Variants in HSPA4 observed in about 807,000 individuals in gnomAD.
HSPA4 encodes the protein heat shock 70 kDa protein 4.
A neutral mutation model predicts 106.2 loss-of-function variants in HSPA4; 25 were observed. The observed-to-expected ratio is 0.24, with a 90% confidence interval of 0.17 to 0.33. HSPA4 has a LOEUF of 0.33. Among genes scored for constraint, HSPA4 ranks in the 10% least tolerant of loss-of-function variants. The pLI is 1.00. For synonymous variants in HSPA4, 332 were observed against 333.6 expected (o/e 1.00, Z 0.05); for missense variants, 841 against 996.0 (o/e 0.84, Z 2.10).
In HSPA4 at chr5:133,099,615, C is replaced by A; in HGVS notation, c.2000C>A (p.Pro667Gln). ...TTGTATGAGGATGGAGAAGACCAGC[C>A]AAAGCAAGTTTATGTTGATAAGTTG... is the stretch of plus-strand genomic sequence containing the variant. ...NWLYEDGEDQ[P>Q]KQVYVDKLAE... The change falls in exon 16 of 19, where the codon CCA (proline) becomes CAA (glutamine). Residue 667 changes from proline to glutamine, a missense_variant. This residue lies in a region of HSPA4 where 328 missense variants were observed against 372.2 expected (regional missense o/e 0.88). Coordinates refer to ENST00000304858, the MANE Select transcript of HSPA4 (RefSeq NM_002154.4). The A allele has an allele frequency of 6.2e-7, 1 of 1,602,722 alleles. No homozygotes were observed. The highest frequency in any genetic ancestry group is 8.5e-7 in the Non-Finnish European group (1 of 1,171,260).
intron 11 of HSPA4, among the ~76,000 whole-genome samples, chr5:133,090,162 C>T (rs371857609): frequency 2.5e-4 from 38 of 151,902 alleles, no homozygotes; most frequent in South Asian, 1.0e-3. Flanking sequence ...TAGCCAGGTG[C>T]GGTGGCTCAC....
intron 1 of HSPA4, among the ~76,000 whole-genome samples, chr5:133,060,068 CT>C (rs370182052): frequency 1.4e-4 from 20 of 146,026 alleles, no homozygotes; most frequent in Admixed American, 2.7e-4. Flanking sequence ...ATCAGTTTTA[CT>C]TTTTTTTTTT....
rs1765832390 is a variant in HSPA4 at position 133,104,605 on chromosome 5, G to C, written c.*169G>C. 1 of 603,926 alleles carries C rather than the reference G, an allele frequency of 1.7e-6. No homozygotes were observed. Among genetic ancestry groups the C allele is most frequent in the African/African-American group, 1.9e-5 (1 of 53,894 alleles). 37.4% of individuals were successfully genotyped at this position (603,926 alleles called of 1,614,324 possible). A position where few individuals can be genotyped will look rare whatever the true frequency, so the allele number is the denominator to read the frequency against. ...TATGGAGCATTTTCACTTCTAAATA[G>C]TTAGATACAGAAATTAAGTGCATTG... On this transcript the variant is annotated 3_prime_UTR_variant, in exon 19 of 19. Coordinates refer to ENST00000304858, the MANE Select transcript of HSPA4 (RefSeq NM_002154.4).
intron 16 of HSPA4, among the ~76,000 whole-genome samples, chr5:133,100,103 G>T (rs1161573841): frequency 6.6e-6 from 1 of 151,710 alleles, no homozygotes; most frequent in South Asian, 2.1e-4. Context: ...TTGCTCTGTT[G>T]CCCAGGCTGG....
rs570154425 is a variant in HSPA4, at chr5:133,088,783, A to T, written c.1137+228A>T. On this transcript the variant is annotated intron_variant, in intron 9 of 18. Transcript: ENST00000304858. ...TAGGTAACTCTGAGCCTGAAGTATG[A>T]CTGGAAGTTTGGCCTGTTATGTATG... is the stretch of plus-strand genomic sequence containing the variant. Among the ~76,000 whole-genome samples, 4 of 152,332 alleles carry T rather than the reference A, an allele frequency of 2.6e-5. No homozygotes were observed. The East Asian group carries it at 5.8e-4, about 22-fold the overall frequency.
intron 1 of HSPA4, among the ~76,000 whole-genome samples, chr5:133,060,979 G>T (rs1157161740): frequency 2.0e-5 from 3 of 151,518 alleles, no homozygotes; most frequent in Non-Finnish European, 2.9e-5. Flanking sequence ...GTGGCTAGTG[G>T]CTACTTCATT....
At chr5:133,061,329 A>G (rs183127661) in intron 1 of HSPA4, among the ~76,000 whole-genome samples, 27 of 151,660 alleles carry the variant, frequency 1.8e-4, no homozygotes, top group Non-Finnish European at 2.2e-4. Flanking sequence ...TCACTGTGTT[A>G]GCCAGGATGG....
intron 1 of HSPA4, among the ~76,000 whole-genome samples, chr5:133,062,625 T>G (rs1408213154): frequency 6.6e-6 from 1 of 152,216 alleles, no homozygotes; most frequent in Non-Finnish European, 1.5e-5. Context: ...TTTTAGTGAT[T>G]GGTGGCATAG....
chr5:133,060,104 T>C (rs992248096), intron 1 of HSPA4, among the ~76,000 whole-genome samples: 2 of 151,004 alleles, frequency 1.3e-5, no homozygotes, highest in African/African-American at 4.9e-5. Context: ...TTATTAGGAT[T>C]ACATAGGAGT....
chr5:133,078,653 A>C (rs1765476065), intron 7 of HSPA4, among the ~76,000 whole-genome samples: 1 of 151,318 alleles, frequency 6.6e-6, no homozygotes, highest in African/African-American at 2.4e-5. Flanking sequence ...AAAAAAAAAA[A>C]AAAAGTTGTA....
At chr5:133,055,474 A>C (rs1765149357) in intron 1 of HSPA4, among the ~76,000 whole-genome samples, 1 of 152,070 alleles carries the variant, frequency 6.6e-6, no homozygotes, top group East Asian at 1.9e-4. Context: ...CTCGTTTCAG[A>C]TATGGGTGTA....
chr5:133,089,589 T>C lies in HSPA4; in HGVS notation c.1272T>C (p.His424=), dbSNP rs777886080. 9 of 1,613,556 alleles carry C rather than the reference T, an allele frequency of 5.6e-6. No homozygotes were observed. Among genetic ancestry groups the C allele is most frequent in the Non-Finnish European group, 7.6e-6 (9 of 1,179,598 alleles). The change falls in exon 11 of 19, where the codon CAT becomes CAC. Residue 424 remains histidine (H), a synonymous_variant. Coordinates refer to ENST00000304858, the MANE Select transcript of HSPA4 (RefSeq NM_002154.4). ...ACTGTGAAGTCTTTTCCAAAAATCA[T>C]GCTGCTCCTTTCTCTAAAGTTCTTA... ...SSDCEVFSKN[H]AAPFSKVLTF...
At chr5:133,088,355 A>T in intron 8 of HSPA4, 49 bp from the exon 9 acceptor site, 1 of 1,327,066 alleles carries the variant, frequency 7.5e-7, no homozygotes, top group Non-Finnish European at 1.1e-6. Context: ...GTAAGATGTT[A>T]TTGTTCTTTC....
chr5:133,061,242 C>T (rs1765238080), intron 1 of HSPA4, among the ~76,000 whole-genome samples: 1 of 151,848 alleles, frequency 6.6e-6, no homozygotes, highest in South Asian at 2.1e-4. Flanking sequence ...CCTGCCTCAG[C>T]CTCCCAAGTA....
chr5:133,097,273 T>A lies in HSPA4; in HGVS notation c.1916T>A (p.Phe639Tyr). ...RDKLSGEYEK[F>Y]VSEDDRNSFT... The stretch of plus-strand genomic sequence containing the variant: ...AAGCTTAGTGGTGAATATGAGAAGT[T>A]TGTGAGTGAAGATGTAAGTCTGCCA... The change falls in exon 15 of 19, where the codon TTT becomes TAT. Residue 639 changes from phenylalanine (F) to tyrosine (Y), a missense_variant. Phe to Tyr is a conservative substitution (Grantham distance 22). Coordinates refer to ENST00000304858, the MANE Select transcript of HSPA4 (RefSeq NM_002154.4). 1.9e-6 allele frequency: 3 copies of A among 1,612,626 alleles called. No individual in the cohort carries two copies. The highest frequency in any genetic ancestry group is 2.5e-6 in the Non-Finnish European group (3 of 1,179,032).
At chr5:133,064,919 A>C in intron 1 of HSPA4, 61 bp from the exon 2 acceptor site, 1 of 1,391,978 alleles carries the variant, frequency 7.2e-7, no homozygotes, top group Non-Finnish European at 1.0e-6. Context: ...CTTGCCTGCT[A>C]TGCTTTTGGA....
chr5:133,080,464 AT>A (rs1765501384), intron 7 of HSPA4, among the ~76,000 whole-genome samples: 2 of 148,898 alleles, frequency 1.3e-5, no homozygotes, highest in Non-Finnish European at 3.0e-5. Context: ...ACTACACTAT[AT>A]TTTGATGTTG....
intron 1 of HSPA4, among the ~76,000 whole-genome samples, chr5:133,057,273 T>G (rs1765176895): frequency 6.6e-6 from 1 of 152,212 alleles, no homozygotes; most frequent in South Asian, 2.1e-4. Flanking sequence ...TATTGCGGTT[T>G]CTCTGAAAAG....
chr5:133,058,363 A>T (rs894456590), intron 1 of HSPA4, among the ~76,000 whole-genome samples: 36 of 152,148 alleles, frequency 2.4e-4, no homozygotes, highest in African/African-American at 8.7e-4. Context: ...CCTGGGCAAC[A>T]GAGTGAGAAC....
Sources: allele counts gnomAD v4.1 joint callset (sites outside exome capture counted in the v4.1 genomes callset), GRCh38; gene constraint gnomAD v4.1.1; regional missense constraint gnomAD v4.1.1; transcripts MANE v1.5; gene names NCBI Gene and HGNC (gene_info 2026-07-23, HGNC 2026-07-21).